Variants in CLCN6 observed in about 807,000 individuals in gnomAD.
The protein encoded by CLCN6 is H(+)/Cl(-) exchange transporter 6.
In CLCN6, 70 loss-of-function variants were observed where a neutral mutation model predicts 109.8. The observed-to-expected ratio is 0.64, with a 90% CI of 0.53 to 0.78. The LOEUF (loss-of-function observed/expected upper bound fraction) is 0.78. Among genes scored for constraint, CLCN6 ranks in the 30% least tolerant of loss-of-function variants. The probability of loss-of-function intolerance (pLI) is 0.00; values close to 1 mark genes in which losing one functional copy is unlikely to be tolerated. For synonymous variants in CLCN6, 444 were observed against 447.8 expected, an observed-to-expected ratio of 0.99 and a Z score of 0.11; for missense variants, 984 against 1,142.3, an observed-to-expected ratio of 0.86 and a Z score of 2.00.
At chr1:11,829,110 G>T in intron 12 of CLCN6, 86 bp from the exon 13 acceptor site, 2 of 1,516,258 alleles carry the variant, frequency 1.3e-6, no homozygotes, top group Non-Finnish European at 1.8e-6. Context: ...AGAAATCGGG[G>T]CTGGGGGTAG....
At chr1:11,818,571 A>G (rs1393629200) in intron 4 of CLCN6, among the ~76,000 whole-genome samples, 2 of 152,180 alleles carry the variant, frequency 1.3e-5, no homozygotes, top group Non-Finnish European at 2.9e-5. Context: ...TTGTCCATTG[A>G]TGTGTGGCCA....
In CLCN6 at chr1:11,838,527, C is replaced by G. The variant is rs760622022; in HGVS notation, c.2404-8C>G. The G allele has an allele frequency of 6.2e-7, 1 of 1,607,506 alleles. No homozygotes were observed. The highest frequency in any genetic ancestry group is 2.2e-5 in the East Asian group (1 of 44,668). ...TCAGGCAGTCAGTGACACGTGGTCT[C>G]TTTGCAGGATGTCACCCCATACATG... On this transcript the variant is annotated splice_polypyrimidine_tract_variant and splice_region_variant and intron_variant, in intron 21 of 22. Transcript: ENST00000346436.
In CLCN6 at chr1:11,840,921, A is replaced by G. The variant is rs187967934; in HGVS notation, c.*698A>G. On this transcript the variant is annotated 3_prime_UTR_variant, in exon 23 of 23. Coordinates refer to ENST00000346436, the MANE Select transcript of CLCN6 (RefSeq NM_001286.5). ...ATGGTCAATCTGATAATAGGATCAG[A>G]TTTACGTCTACCCTAATTCTTAACA... 4.9e-4 allele frequency: 75 copies of G among 152,756 alleles called. No individual in the cohort carries two copies. The highest frequency in any genetic ancestry group is 1.4e-3 in the South Asian group (7 of 4,834). 9.5% of individuals were successfully genotyped at this position (152,756 alleles called of 1,614,324 possible). A position where few individuals can be genotyped will look rare whatever the true frequency, so the allele number is the denominator to read the frequency against.
chr1:11,829,049 C>A, intron 12 of CLCN6, 147 bp from the exon 13 acceptor site: 1 of 904,616 alleles, frequency 1.1e-6, no homozygotes, highest in Non-Finnish European at 1.7e-6. Context: ...AATCACGGAT[C>A]AATTCTGCAC....
At chr1:11,806,461 G>A in intron 1 of CLCN6, 112 bp downstream of exon 1, 2 of 990,882 alleles carry the variant, frequency 2.0e-6, no homozygotes, top group Non-Finnish European at 2.8e-6. Context: ...CAGCGGGTGG[G>A]GCCTGGGGAC....
rs578077772 is a variant in CLCN6 at position 11,834,331 on chromosome 1, C to T, written c.1622C>T (p.Thr541Met). Residue 541 changes from threonine to methionine, a missense_variant, in exon 16 of 23, where the codon ACG becomes ATG. Coordinates refer to ENST00000346436, the MANE Select transcript of CLCN6 (RefSeq NM_001286.5). This position sits in a 1 kb window ranked among gnomAD's most constrained non-coding sequence, Gnocchi z 4.5. ...GGVVRMTISL[T>M]VILIESTNEI... ...GTGGTCCGCATGACCATCAGCCTCA[C>T]GGTCATCCTGATCGAGTCCACCAAT... is the stretch of plus-strand genomic sequence containing the variant. 45 of 1,614,106 alleles carry T rather than the reference C, an allele frequency of 2.8e-5. No individual in the cohort carries two copies. In the Admixed American group the frequency reaches 3.5e-4, roughly 13 times the overall value.
chr1:11,813,455 A>G (rs142005893), intron 2 of CLCN6, among the ~76,000 whole-genome samples: 5,403 of 151,892 alleles, frequency 0.036, 152 homozygotes, highest in Non-Finnish European at 0.052. Context: ...CAGTAGCACA[A>G]TCTCGGCTCA....
At chr1:11,836,741 T>C (rs1045535802) in intron 18 of CLCN6, among the ~76,000 whole-genome samples, 1 of 152,196 alleles carries the variant, frequency 6.6e-6, no homozygotes, top group African/African-American at 2.4e-5. Flanking sequence ...AGACAGGATG[T>C]AGGAGATGGC....
intron 3 of CLCN6, among the ~76,000 whole-genome samples, chr1:11,816,251 G>A (rs1644670329): frequency 1.3e-5 from 2 of 152,194 alleles, no homozygotes; most frequent in African/African-American, 4.8e-5. Context: ...CCTCAGTATA[G>A]TGTAAACATC....
At chr1:11,823,936 C>T (rs1173069510) in intron 7 of CLCN6, 103 bp downstream of exon 7, 2 of 1,463,980 alleles carry the variant, frequency 1.4e-6, no homozygotes, top group African/African-American at 1.4e-5. Flanking sequence ...GGCCCAGCCT[C>T]AAACAGCTGA....
rs1306106068 is a variant in CLCN6, at chr1:11,807,273, G to T, written c.147+83G>T. 3.2e-6 allele frequency: 4 copies of T among 1,237,012 alleles called. No individual in the cohort carries two copies. In the African/African-American group the frequency reaches 5.9e-5, roughly 18 times the overall value. 76.6% of individuals were successfully genotyped at this position (1,237,012 alleles called of 1,614,324 possible). A position where few individuals can be genotyped will look rare whatever the true frequency, so the allele number is the denominator to read the frequency against. On this transcript the variant is annotated intron_variant, in intron 2 of 22. Transcript: ENST00000346436. ...GGCCGAAGCATTATGATTCCAACCA[G>T]AGATGCTCTTTGACCTTCTGTCCCA...
intron 13 of CLCN6, among the ~76,000 whole-genome samples, chr1:11,831,821 C>CTA (rs1644887683): frequency 6.6e-6 from 1 of 152,112 alleles, no homozygotes; most frequent in African/African-American, 2.4e-5. Flanking sequence ...GTAGCTGGGA[C>CTA]TACAGGTGCA....
At chr1:11,832,932 G>T (rs1021785544) in intron 13 of CLCN6, among the ~76,000 whole-genome samples, 4 of 151,976 alleles carry the variant, frequency 2.6e-5, no homozygotes, top group African/African-American at 9.7e-5. Context: ...TTCCCCAGAT[G>T]GGGTCTAGAA....
intron 2 of CLCN6, among the ~76,000 whole-genome samples, chr1:11,811,988 G>C (rs1044220196): frequency 6.6e-6 from 1 of 152,142 alleles, no homozygotes; most frequent in African/African-American, 2.4e-5. Context: ...GATATGTGGA[G>C]GTTGTTTCCC....
rs747820320 is a variant in CLCN6 at position 11,815,865 on chromosome 1, G to A, written c.167G>A (p.Cys56Tyr). The A allele has an allele frequency of 6.2e-7, 1 of 1,613,882 alleles. No homozygotes were observed. ...TTTCAGAGTTTGGATTATGATCGCT[G>A]TATCAATGACCCTTACCTGGAAGTT... ...KDYESLDYDR[C>Y]INDPYLEVLE... The change falls in exon 3 of 23, where the codon TGT (cysteine) becomes TAT (tyrosine). Residue 56 changes from cysteine (C) to tyrosine (Y), a missense_variant. Cys to Tyr is a radical substitution (Grantham distance 194, BLOSUM62 -2). Transcript: ENST00000346436.
rs1439220962 is a variant in CLCN6, at chr1:11,838,779, G to A, written c.2529+119G>A. 11 of 1,442,118 alleles carry A rather than the reference G, an allele frequency of 7.6e-6. No homozygotes were observed. In the South Asian group the frequency reaches 1.1e-4, roughly 15 times the overall value. 89.3% of individuals were successfully genotyped at this position (1,442,118 alleles called of 1,614,324 possible). A position where few individuals can be genotyped will look rare whatever the true frequency, so the allele number is the denominator to read the frequency against. On this transcript the variant is annotated intron_variant, in intron 22 of 22. Coordinates refer to ENST00000346436, the MANE Select transcript of CLCN6 (RefSeq NM_001286.5). ...CATCCCACCAGGAGGGGAGAGTGTG[G>A]CCCAACACTAGCTTTGAACCCTGCT...
At position 11,840,202 on chromosome 1, in the gene CLCN6, G is replaced by A; in HGVS notation, c.2589G>A (p.Arg863=). Residue 863 remains arginine (R), a synonymous_variant, in exon 23 of 23, where the codon AGG becomes AGA. Transcript: ENST00000346436. ...ATGAATTTCTGCAGGCCCGGCTGAG[G>A]CAGCACTACCAGACCATCTGACAGC... The part of the protein sequence containing the change: ...LTYEFLQARL[R]QHYQTI 1 of 1,613,316 alleles carries A rather than the reference G, an allele frequency of 6.2e-7. No individual in the cohort carries two copies. Among genetic ancestry groups the A allele is most frequent in the Non-Finnish European group, 8.5e-7 (1 of 1,180,020 alleles).
chr1:11,823,373 C>T lies in CLCN6; in HGVS notation c.454-334C>T, dbSNP rs549091954. ...ATGCCTGTAATCCCAGCTACTCGGG[C>T]GACTGAGGCAGGGGAATTGCTGGAA... is the stretch of plus-strand genomic sequence containing the variant. On this transcript the variant is annotated intron_variant, in intron 6 of 22. Transcript: ENST00000346436. Among the ~76,000 whole-genome samples the T allele has an allele frequency of 4.6e-5, 7 of 151,764 alleles. No homozygotes were observed. In the East Asian group the frequency reaches 9.7e-4, roughly 21 times the overall value.
chr1:11,810,013 C>T (rs958949397), intron 2 of CLCN6, among the ~76,000 whole-genome samples: 2 of 152,038 alleles, frequency 1.3e-5, no homozygotes, highest in African/African-American at 4.8e-5. Context: ...ATTTAAAACA[C>T]GTGTTAAAAG....
Sources: allele counts gnomAD v4.1 joint callset (sites outside exome capture counted in the v4.1 genomes callset), GRCh38; gene constraint gnomAD v4.1.1; non-coding constraint Gnocchi (gnomAD v3.1); transcripts MANE v1.5; gene names NCBI Gene and HGNC (gene_info 2026-07-23, HGNC 2026-07-21).